The following RAD51B variants were observed in gnomAD, a reference collection of about 807,000 sequenced individuals.
RAD51B encodes RAD51 paralog B.
Under a neutral mutation model 42.2 loss-of-function variants are expected in RAD51B, and 38 were observed. The ratio of observed to expected loss-of-function variants is 0.90; its 90% CI spans 0.70 to 1.18. RAD51B has a LOEUF of 1.18. Among genes scored for constraint, RAD51B ranks in the 50% most tolerant of loss-of-function variants. RAD51B has a pLI of 0.00. For synonymous variants in RAD51B, 154 were observed against 145.2 expected (o/e 1.06, Z -0.43); for missense variants, 373 against 400.7 (o/e 0.93, Z 0.59).
chr14:67,875,518 T>G (rs534525831), intron 5 of RAD51B, among the ~76,000 whole-genome samples: 1 of 152,334 alleles, frequency 6.6e-6, no homozygotes, highest in East Asian at 1.9e-4. Context: ...TTATTAAAGT[T>G]TAGATACAAA....
intron 7 of RAD51B, among the ~76,000 whole-genome samples, chr14:68,188,943 G>C (rs916384891): frequency 6.6e-6 from 1 of 151,762 alleles, no homozygotes; most frequent in East Asian, 1.9e-4. Flanking sequence ...GGTGAAACTC[G>C]TATGTTTATA....
At chr14:67,861,897 T>G (rs367832487) in intron 4 of RAD51B, among the ~76,000 whole-genome samples, 1 of 152,170 alleles carries the variant, frequency 6.6e-6, no homozygotes, top group East Asian at 1.9e-4. Flanking sequence ...TTATGAAAAT[T>G]TATCTGCACT....
intron 7 of RAD51B, among the ~76,000 whole-genome samples, chr14:68,256,861 A>G (rs1466019940): frequency 6.6e-6 from 1 of 152,356 alleles, no homozygotes; most frequent in East Asian, 1.9e-4. Flanking sequence ...CATAAACATA[A>G]AATCTGGATT....
intron 7 of RAD51B, among the ~76,000 whole-genome samples, chr14:68,215,126 A>G (rs1279097716): frequency 6.6e-6 from 1 of 152,236 alleles, no homozygotes; most frequent in Non-Finnish European, 1.5e-5. Flanking sequence ...CTCCTGAGTT[A>G]TCATCATAAT....
At chr14:68,290,678 A>G (rs760993322) in intron 7 of RAD51B, among the ~76,000 whole-genome samples, 3 of 152,146 alleles carry the variant, frequency 2.0e-5, no homozygotes, top group Non-Finnish European at 4.4e-5. Flanking sequence ...GAGGAGTGTT[A>G]TTTCTTTAGA....
chr14:67,895,813 G>A (rs1316559957), intron 7 of RAD51B, among the ~76,000 whole-genome samples: 2 of 151,560 alleles, frequency 1.3e-5, no homozygotes, highest in African/African-American at 4.8e-5. Flanking sequence ...ATACTACCCC[G>A]AGACCTCTCT....
At chr14:68,382,647 C>G (rs1448837094) in intron 8 of RAD51B, among the ~76,000 whole-genome samples, 1 of 152,208 alleles carries the variant, frequency 6.6e-6, no homozygotes, top group Non-Finnish European at 1.5e-5. Context: ...TTGATTTGCT[C>G]ACCAATGCTA....
chr14:68,288,963 G>A (rs989009082), intron 7 of RAD51B, among the ~76,000 whole-genome samples: 5 of 152,098 alleles, frequency 3.3e-5, no homozygotes, highest in African/African-American at 1.2e-4. Context: ...TATTTTCAGA[G>A]CAATGTCAGT....
chr14:68,457,787 T>G (rs1594867066), intron 9 of RAD51B, among the ~76,000 whole-genome samples: 2 of 149,290 alleles, frequency 1.3e-5, no homozygotes, highest in African/African-American at 4.9e-5. Context: ...TTTTTTTTTT[T>G]TTTTTTTAGT....
At chr14:68,432,746 T>G (rs973522872) in intron 9 of RAD51B, among the ~76,000 whole-genome samples, 1 of 152,234 alleles carries the variant, frequency 6.6e-6, no homozygotes, top group African/African-American at 2.4e-5. Context: ...ATTTAGCCCA[T>G]TTACATTTAA....
At chr14:68,459,421 G>A (rs1015673387) in intron 9 of RAD51B, among the ~76,000 whole-genome samples, 1 of 152,196 alleles carries the variant, frequency 6.6e-6, no homozygotes. Flanking sequence ...CATAGCTAGA[G>A]GAAAGGTTTG....
At chr14:68,080,758 A>C (rs1438824264) in intron 7 of RAD51B, among the ~76,000 whole-genome samples, 1 of 152,216 alleles carries the variant, frequency 6.6e-6, no homozygotes, top group Non-Finnish European at 1.5e-5. Flanking sequence ...GATCCTCAAC[A>C]TGTATGTGCC....
At chr14:67,916,873 C>G (rs920331353) in intron 7 of RAD51B, among the ~76,000 whole-genome samples, 1 of 152,120 alleles carries the variant, frequency 6.6e-6, no homozygotes, top group African/African-American at 2.4e-5. Flanking sequence ...AGTTTCCATT[C>G]TAATGGTAGA....
intron 7 of RAD51B, among the ~76,000 whole-genome samples, chr14:67,903,488 A>G (rs1682794776): frequency 6.6e-6 from 1 of 152,216 alleles, no homozygotes; most frequent in Admixed American, 6.5e-5. Context: ...GATATAAAAC[A>G]TATTTTTAAA....
At chr14:68,479,667 CTT>C (rs34999023), downstream of RAD51B, among the ~76,000 whole-genome samples, 8 of 96,442 alleles carry the variant, frequency 8.3e-5, no homozygotes, top group Non-Finnish European at 1.2e-4. Context: ...TCTTATTCTT[CTT>C]TTTTTTTTTT....
intron 7 of RAD51B, among the ~76,000 whole-genome samples, chr14:67,934,551 T>C (rs1205461998): frequency 2.0e-5 from 3 of 152,072 alleles, no homozygotes; most frequent in Non-Finnish European, 4.4e-5. Flanking sequence ...CCTCAGAGAG[T>C]TGATAGCTAA....
intron 7 of RAD51B, among the ~76,000 whole-genome samples, chr14:67,940,743 C>G (rs2045171314): frequency 6.6e-6 from 1 of 151,318 alleles, no homozygotes; most frequent in Non-Finnish European, 1.5e-5. Context: ...CAGAGTTTCC[C>G]AATTTGTTGG....
chr14:68,107,022 A>G (rs974513399), intron 7 of RAD51B, among the ~76,000 whole-genome samples: 1 of 151,988 alleles, frequency 6.6e-6, no homozygotes, highest in Non-Finnish European at 1.5e-5. Flanking sequence ...TGACCAGTCT[A>G]TTTAATTCCA....
intron 10 of RAD51B, among the ~76,000 whole-genome samples, chr14:68,629,690 A>G (rs942708939): frequency 3.3e-5 from 5 of 152,206 alleles, no homozygotes; most frequent in African/African-American, 1.2e-4. Flanking sequence ...GGAGCCCAGG[A>G]GTCCTCCTTC....
Sources: allele counts gnomAD v4.1 joint callset (sites outside exome capture counted in the v4.1 genomes callset), GRCh38; gene constraint gnomAD v4.1.1; transcripts MANE v1.5; gene names NCBI Gene and HGNC (gene_info 2026-07-23, HGNC 2026-07-21).